The following CEP250 variants were observed in gnomAD, a reference collection of about 807,000 sequenced individuals.
CEP250 encodes centrosomal protein 250.
In CEP250, 242 loss-of-function variants were observed where a neutral mutation model predicts 315.7. That is an observed-to-expected ratio of 0.77 (90% CI 0.69 to 0.85). The LOEUF (loss-of-function observed/expected upper bound fraction) is 0.85. Ranked by LOEUF, CEP250 falls within the 40% of genes least tolerant of loss-of-function variation. The pLI is 0.00. For missense variants in CEP250, 2,515 were observed against 2,886.4 expected, an observed-to-expected ratio of 0.87 and a Z score of 2.95; for synonymous variants, 1,088 against 1,175.0, an observed-to-expected ratio of 0.93 and a Z score of 1.51.
chr20:35,496,206 G>T (rs866013647), intron 24 of CEP250, among the ~76,000 whole-genome samples: 1 of 152,050 alleles, frequency 6.6e-6, no homozygotes, highest in Non-Finnish European at 1.5e-5. Flanking sequence ...GCATGGTGGC[G>T]CATGCCTGCA....
intron 20 of CEP250, among the ~76,000 whole-genome samples, chr20:35,482,405 T>C (rs1454598486): frequency 6.6e-6 from 1 of 151,154 alleles, no homozygotes; most frequent in Non-Finnish European, 1.5e-5. Flanking sequence ...TAATTTTTTG[T>C]ATTTTTAGTA....
At chr20:35,483,343 TTTTA>T (rs2063410487) in intron 20 of CEP250, among the ~76,000 whole-genome samples, 2,037 of 151,242 alleles carry the variant, frequency 0.013, 57 homozygotes, top group African/African-American at 0.047. Context: ...AAATTTTTTT[TTTTA>T]AATTTATTTT....
In CEP250 at chr20:35,503,736, A is replaced by G; in HGVS notation, c.5367A>G (p.Glu1789=). 6.2e-7 allele frequency: 1 copy of G among 1,614,102 alleles called. No homozygotes were observed. The highest frequency in any genetic ancestry group is 8.5e-7 in the Non-Finnish European group (1 of 1,180,026). Residue 1789 remains glutamate (E), a synonymous_variant, in exon 30 of 35, where the codon GAA becomes GAG. Coordinates refer to ENST00000397527, the MANE Select transcript of CEP250 (RefSeq NM_007186.6). This position sits in a 1 kb window ranked among gnomAD's most constrained non-coding sequence, Gnocchi z 4.2. ...EIVVLQQQLQ[E]AREQGELKEQ... is the part of the protein sequence containing the mutation. The stretch of plus-strand genomic sequence containing the variant: ...TGGTCCTGCAGCAGCAACTGCAGGA[A>G]GCCAGGGAACAAGGGGAGCTGAAGG...
intron 32 of CEP250, among the ~76,000 whole-genome samples, chr20:35,508,731 G>A (rs748025022): frequency 6.6e-6 from 1 of 152,212 alleles, no homozygotes; most frequent in African/African-American, 2.4e-5. Flanking sequence ...TGCTCCAGAG[G>A]TCTGAGAGGC....
chr20:35,455,925 C>G (rs902827279), intron 1 of CEP250, among the ~76,000 whole-genome samples, 174 bp downstream of exon 1: 1 of 152,160 alleles, frequency 6.6e-6, no homozygotes, highest in African/African-American at 2.4e-5. Context: ...GACGGAGTTT[C>G]GCGCTTGTTG....
chr20:35,511,236 C>T (rs1262208821), intron 34 of CEP250, 127 bp from the exon 35 acceptor site: 6 of 736,450 alleles, frequency 8.1e-6, no homozygotes, highest in Non-Finnish European at 1.3e-5. Context: ...TTCTGAGATT[C>T]GTGTATGTGG....
In CEP250 at chr20:35,496,665, C is replaced by T. The variant is rs143143244; in HGVS notation, c.3256C>T (p.Arg1086Cys). 4.6e-5 allele frequency: 74 copies of T among 1,614,052 alleles called. 1 individual carries two copies. The East Asian group carries it at 4.7e-4, about 10-fold the overall frequency. The change falls in exon 25 of 35, where the codon CGC becomes TGC. Residue 1086 changes from arginine (R) to cysteine (C), a missense_variant. Physicochemically the swap from Arg to Cys is radical, Grantham distance 180 (BLOSUM62 -3). Transcript: ENST00000397527. ...SIRQQELSAL[R>C]QDMQEAQGEQ... ...TCGACAACAAGAGCTGAGTGCCCTG[C>T]GCCAGGACATGCAGGAGGCCCAGGG...
intron 25 of CEP250, 24 bp downstream of exon 25, chr20:35,496,739 C>T (rs748628202): frequency 1.9e-6 from 3 of 1,598,692 alleles, no homozygotes; most frequent in Non-Finnish European, 2.6e-6. Context: ...TGGTTATGAG[C>T]TCTGCATCCC....
chr20:35,496,893 G>A (rs539793653), intron 25 of CEP250, among the ~76,000 whole-genome samples, 178 bp downstream of exon 25: 49 of 152,290 alleles, frequency 3.2e-4, no homozygotes, highest in African/African-American at 1.2e-3. Flanking sequence ...ACAAGGCGGG[G>A]GCTTGGGAAT....
chr20:35,456,534 C>G (rs1411527199), intron 1 of CEP250, among the ~76,000 whole-genome samples: 3 of 152,236 alleles, frequency 2.0e-5, no homozygotes, highest in Non-Finnish European at 4.4e-5. Context: ...CTGGTACGCC[C>G]TCTGTTCCTT....
Position 35,504,766 on chromosome 20 carries a change from C to G in CEP250, c.6397C>G (p.Pro2133Ala), listed in dbSNP as rs549973168. 2.5e-6 allele frequency: 4 copies of G among 1,614,182 alleles called. No homozygotes were observed. The African/African-American group carries it at 5.3e-5, about 22-fold the overall frequency. Residue 2133 changes from proline (P) to alanine (A), a missense_variant, in exon 30 of 35, where the codon CCA becomes GCA. Physicochemically the swap from Pro to Ala is conservative, Grantham distance 27 (BLOSUM62 -1). Coordinates refer to ENST00000397527, the MANE Select transcript of CEP250 (RefSeq NM_007186.6). ...EALPHSHKTS[P>A]MEEQSLKLDS... ...CTTACCCCACAGCCACAAAACCTCC[C>G]CAATGGAGGAACAATCTCTAAAACT...
chr20:35,458,548 A>G (rs1242117303), intron 2 of CEP250, among the ~76,000 whole-genome samples, 174 bp downstream of exon 2: 1 of 135,196 alleles, frequency 7.4e-6, no homozygotes, highest in Admixed American at 8.1e-5. Flanking sequence ...GACACTCATT[A>G]TCTTATTTAG....
intron 28 of CEP250, 51 bp downstream of exon 28, chr20:35,500,220 G>T: frequency 1.2e-6 from 2 of 1,606,178 alleles, no homozygotes; most frequent in East Asian, 4.5e-5. Context: ...GGGATAGGTG[G>T]GGAGCCCAGA....
intron 4 of CEP250, 64 bp from the exon 5 acceptor site, chr20:35,463,511 C>T: frequency 6.9e-7 from 1 of 1,449,422 alleles, no homozygotes; most frequent in African/African-American, 1.4e-5. Context: ...TCCTCAGGGG[C>T]CTTTGCTTTG....
In CEP250 at chr20:35,503,461, G is replaced by GAGCTGACCACTCAGAGGC; in HGVS notation, c.5099_5116dup (p.Thr1700_Leu1705dup). On this transcript the variant is annotated inframe_insertion, in exon 30 of 35. Coordinates refer to ENST00000397527, the MANE Select transcript of CEP250 (RefSeq NM_007186.6). The surrounding 1 kb of genome is among the most constrained non-coding windows in gnomAD (Gnocchi z 4.2). ...GCTGTCCTTGAGAGAGCGAGGCCGG[G>GAGCTGACCACTCAGAGGC]AGCTGACCACTCAGAGGCAGCTGAT... 1 of 1,614,162 alleles carries GAGCTGACCACTCAGAGGC rather than the reference G, an allele frequency of 6.2e-7. No individual in the cohort carries two copies. The highest frequency in any genetic ancestry group is 2.2e-5 in the East Asian group (1 of 44,880).
Position 35,507,763 on chromosome 20 carries a change from C to A in CEP250, c.6662C>A (p.Ala2221Asp). The change falls in exon 31 of 35, where the codon GCT (alanine) becomes GAT (aspartate). Residue 2221 changes from alanine (A) to aspartate (D), a missense_variant. By Grantham distance (126) the Ala-to-Asp change is moderately radical (BLOSUM62 -2). Transcript: ENST00000397527. ...LQDELELTRR[A>D]LEKERLHSPG... Reference sequence around the variant, plus strand: ...GATGAACTGGAGCTCACCAGACGGGCTCTGGAGAAGGAGCGGCTACACAGC... The same window carrying A: ...GATGAACTGGAGCTCACCAGACGGGATCTGGAGAAGGAGCGGCTACACAGC... 4 of 1,556,800 alleles carry A rather than the reference C, an allele frequency of 2.6e-6. No individual in the cohort carries two copies. Among genetic ancestry groups the A allele is most frequent in the Non-Finnish European group, 3.5e-6 (4 of 1,149,732 alleles).
At position 35,496,728 on chromosome 20, in the gene CEP250, C is replaced by G. The variant is rs2063846225; in HGVS notation, c.3306+13C>G. On this transcript the variant is annotated intron_variant, in intron 25 of 34. Coordinates refer to ENST00000397527, the MANE Select transcript of CEP250 (RefSeq NM_007186.6). ...GCTCAGTGCTCAGGTACTTCCCACT[C>G]TGGTTATGAGCTCTGCATCCCTGGC... The G allele has an allele frequency of 5.0e-6, 8 of 1,610,794 alleles. No individual in the cohort carries two copies. Among genetic ancestry groups the G allele is most frequent in the Non-Finnish European group, 6.8e-6 (8 of 1,178,790 alleles).
Position 35,500,051 on chromosome 20 carries a change from T to C in CEP250, c.3780T>C (p.Asp1260=). 1 of 1,613,992 alleles carries C rather than the reference T, an allele frequency of 6.2e-7. No individual in the cohort carries two copies. The highest frequency in any genetic ancestry group is 2.2e-5 in the East Asian group (1 of 44,878). ...QDLWKTQQTR[D]VLRDQVQKLE... ...TAGCCATGCCCTTCCTTTCCCAGGA[T>C]GTTCTGAGGGATCAGGTCCAGAAAC... The change falls in exon 28 of 35, where the codon GAT becomes GAC. Residue 1260 remains aspartate (D), a splice_region_variant and synonymous_variant. Coordinates refer to ENST00000397527, the MANE Select transcript of CEP250 (RefSeq NM_007186.6).
At chr20:35,489,499 T>C in intron 20 of CEP250, among the ~76,000 whole-genome samples, 1 of 152,246 alleles carries the variant, frequency 6.6e-6, no homozygotes, top group East Asian at 1.9e-4. Flanking sequence ...ATGACACTGT[T>C]GTTATCCCCA....
Sources: gnomAD v4.1 joint callset for allele counts (sites outside exome capture counted in the v4.1 genomes callset) on GRCh38, gnomAD v4.1.1 for gene constraint, Gnocchi (gnomAD v3.1) non-coding constraint, MANE v1.5 for transcripts, NCBI Gene and HGNC (gene_info 2026-07-23, HGNC 2026-07-21) for gene names.